Variants in MFAP2 observed in about 807,000 individuals in gnomAD.
MFAP2 encodes the protein microfibril associated protein 2, also known as microfibrillar-associated protein 2.
MFAP2 carries 23 observed loss-of-function variants against 30.6 expected under a neutral mutation model. The observed-to-expected ratio is 0.75, with a 90% CI of 0.54 to 1.07. MFAP2 has a LOEUF of 1.07. Ranked by LOEUF, MFAP2 falls within the 50% of genes least tolerant of loss-of-function variation. The probability of loss-of-function intolerance (pLI) is 0.00; values close to 1 mark genes in which losing one functional copy is unlikely to be tolerated. For synonymous variants in MFAP2, 73 were observed against 85.7 expected (o/e 0.85, Z 0.82); for missense variants, 198 against 223.8 (o/e 0.88, Z 0.74).
In MFAP2 at chr1:16,976,632, C is replaced by T; in HGVS notation, c.241+76G>A. 6.2e-7 allele frequency: 1 copy of T among 1,610,612 alleles called. No individual in the cohort carries two copies. Among genetic ancestry groups the T allele is most frequent in the Non-Finnish European group, 8.5e-7 (1 of 1,177,060 alleles). ...TCACCTCTCCCAGCCCTGGCAGACC[C>T]CCACTCCCAGGGTTGACAGGGTGGG... On this transcript the variant is annotated intron_variant, in intron 5 of 8. Transcript: ENST00000375535. This position sits in a 1 kb window ranked among gnomAD's most constrained non-coding sequence, Gnocchi z 5.5.
upstream of MFAP2, chr1:16,980,798 C>A (rs1340254060): frequency 6.6e-6 from 1 of 152,266 alleles, no homozygotes; most frequent in Non-Finnish European, 1.5e-5. Context: ...GGGGTAGAGG[C>A]GCCCGGGGCC....
rs2076591054 is a variant in MFAP2, at chr1:16,976,325, C to T, written c.286+176G>A. 1 of 773,684 alleles carries T rather than the reference C, an allele frequency of 1.3e-6. No homozygotes were observed. The highest frequency in any genetic ancestry group is 2.2e-6 in the Non-Finnish European group (1 of 462,320). 47.9% of individuals were successfully genotyped at this position (773,684 alleles called of 1,614,324 possible). On this transcript the variant is annotated intron_variant, in intron 6 of 8. Transcript: ENST00000375535. This position sits in a 1 kb window ranked among gnomAD's most constrained non-coding sequence, Gnocchi z 5.5. ...CAGGCACACTGGGGACAGGTGGGAC[C>T]TCCTGGAGCTGCCTGGGGGGCCTGG...
chr1:16,974,783 G>A lies in MFAP2; in HGVS notation c.*137C>T. The stretch of plus-strand genomic sequence containing the variant: ...GGAGGGGCCTGAGGCACCGCAGCCT[G>A]CAACCCCCAGGGCTGCAGTCCACTA... On this transcript the variant is annotated 3_prime_UTR_variant, in exon 9 of 9. Coordinates refer to ENST00000375535, the MANE Select transcript of MFAP2 (RefSeq NM_002403.4). The A allele has an allele frequency of 2.3e-6, 1 of 432,580 alleles. No homozygotes were observed. Among genetic ancestry groups the A allele is most frequent in the Non-Finnish European group, 3.9e-6 (1 of 255,784 alleles). The allele number at this position is 432,580 out of a possible 1,614,324, so 26.8% of individuals were successfully genotyped here.
Position 16,976,540 on chromosome 1 carries a change from C to T in MFAP2, c.247G>A (p.Gly83Arg), listed in dbSNP as rs771008197. 2 of 1,614,218 alleles carry T rather than the reference C, an allele frequency of 1.2e-6. No homozygotes were observed. Among genetic ancestry groups the T allele is most frequent in the Non-Finnish European group, 8.5e-7 (1 of 1,180,026 alleles). Residue 83 changes from glycine to arginine, a missense_variant, in exon 6 of 9, where the codon GGA becomes AGA. Physicochemically the swap from Gly to Arg is moderately radical, Grantham distance 125 (BLOSUM62 -2). Transcript: ENST00000375535. This position sits in a 1 kb window ranked among gnomAD's most constrained non-coding sequence, Gnocchi z 5.5. ...EVIPAPTPEP[G>R]NAELEPTEPG... is the part of the protein sequence containing the mutation. ...TCTGTGGGCTCCAGCTCTGCATTTC[C>T]TGGTTCTGGTGTGGAGACAGAGGTA... is the stretch of plus-strand genomic sequence containing the variant.
chr1:16,980,769 T>TA (rs1557657022), upstream of MFAP2: 2 of 148,624 alleles, frequency 1.3e-5, no homozygotes, highest in African/African-American at 5.0e-5. Context: ...TTCCATCTCC[T>TA]GGGGGGGGGG....
At chr1:16,981,437 C>A (rs944115197), upstream of MFAP2, among the ~76,000 whole-genome samples, 1 of 152,214 alleles carries the variant, frequency 6.6e-6, no homozygotes, top group Non-Finnish European at 1.5e-5. Context: ...CCCTTGGCCC[C>A]GCAGCCTTCC....
intron 1 of MFAP2, among the ~76,000 whole-genome samples, chr1:16,980,266 G>GGCCCCCCCCCCCCCC (rs1557656617): frequency 1.5e-5 from 1 of 66,636 alleles, no homozygotes; most frequent in Non-Finnish European, 3.2e-5. Context: ...ATTCCCACCG[G>GGCCCCCCCCCCCCCC]ACCCCCCCCC....
At chr1:16,980,065 G>T (rs1412106409) in intron 1 of MFAP2, among the ~76,000 whole-genome samples, 1 of 151,664 alleles carries the variant, frequency 6.6e-6, no homozygotes, top group Non-Finnish European at 1.5e-5. Flanking sequence ...CCCGACGCTC[G>T]CTCAGACATC....
At position 16,975,663 on chromosome 1, in the gene MFAP2, G is replaced by T; in HGVS notation, c.354C>A (p.Leu118=). 6.2e-7 allele frequency: 1 copy of T among 1,614,060 alleles called. No individual in the cohort carries two copies. The highest frequency in any genetic ancestry group is 8.5e-7 in the Non-Finnish European group (1 of 1,179,962). The change falls in exon 7 of 9, where the codon CTC becomes CTA. Residue 118 remains leucine (L), a synonymous_variant. Coordinates refer to ENST00000375535, the MANE Select transcript of MFAP2 (RefSeq NM_002403.4). This position sits in a 1 kb window ranked among gnomAD's most constrained non-coding sequence, Gnocchi z 5.0. The part of the protein sequence containing the change: ...YSIHRPCKQC[L]NEVCFYSLRR... Reference sequence around the variant, plus strand: ...CTCACCTGTAGAAGCAGACCTCGTTGAGACACTGTTTGCAAGGCCTGTGTA... The same window carrying T: ...CTCACCTGTAGAAGCAGACCTCGTTTAGACACTGTTTGCAAGGCCTGTGTA...
intron 1 of MFAP2, 96 bp from the exon 2 acceptor site, chr1:16,978,410 AC>A: frequency 9.6e-7 from 1 of 1,043,708 alleles, no homozygotes; most frequent in Non-Finnish European, 1.4e-6. Context: ...AGAAGGTGGC[AC>A]CCAGAATAGA....
rs1438607805 is a variant in MFAP2 at position 16,974,828 on chromosome 1, G to C, written c.*92C>G. The C allele has an allele frequency of 1.8e-6, 1 of 546,904 alleles. No homozygotes were observed. The highest frequency in any genetic ancestry group is 3.2e-6 in the Non-Finnish European group (1 of 315,790). 33.9% of individuals were successfully genotyped at this position (546,904 alleles called of 1,614,324 possible). The stretch of plus-strand genomic sequence containing the variant: ...CCACTAACTTTTTACAGAATAAAAG[G>C]AACATGGGGATGGGGAAAAAAGCAC... On this transcript the variant is annotated 3_prime_UTR_variant, in exon 9 of 9. Coordinates refer to ENST00000375535, the MANE Select transcript of MFAP2 (RefSeq NM_002403.4).
In MFAP2 at chr1:16,976,432, C is replaced by T; in HGVS notation, c.286+69G>A. 6.3e-7 allele frequency: 1 copy of T among 1,598,768 alleles called. No individual in the cohort carries two copies. Among genetic ancestry groups the T allele is most frequent in the South Asian group, 1.1e-5 (1 of 90,762 alleles). ...GGGCCAAAGACCTCCAGCCCACCAG[C>T]ACCACCCCCTACTCCACCCCAACTT... On this transcript the variant is annotated intron_variant, in intron 6 of 8. Transcript: ENST00000375535. The surrounding 1 kb of genome is among the most constrained non-coding windows in gnomAD (Gnocchi z 5.5).
chr1:16,980,858 C>T (rs548705577), upstream of MFAP2: 616 of 153,504 alleles, frequency 4.0e-3, 1 homozygote, highest in Non-Finnish European at 6.8e-3. Flanking sequence ...GCTCCTCACT[C>T]GACGTCGACG....
Position 16,975,556 on chromosome 1 carries a change from C to A in MFAP2, c.374+87G>T, listed in dbSNP as rs1161583114. Reference sequence around the variant, plus strand: ...AGGACTCACTATCTTTCCTCCAACTCCCACCTTGGCGGGCCAGAGCTGTCC... The same window carrying A: ...AGGACTCACTATCTTTCCTCCAACTACCACCTTGGCGGGCCAGAGCTGTCC... On this transcript the variant is annotated intron_variant, in intron 7 of 8. Transcript: ENST00000375535. The surrounding 1 kb of genome is among the most constrained non-coding windows in gnomAD (Gnocchi z 5.0). The A allele has an allele frequency of 4.9e-6, 7 of 1,421,512 alleles. No homozygotes were observed. The highest frequency in any genetic ancestry group is 1.7e-4 in the Middle Eastern group (1 of 5,716). The allele number at this position is 1,421,512 out of a possible 1,614,324, so 88.1% of individuals were successfully genotyped here.
rs959446954 is a variant in MFAP2 at position 16,976,228 on chromosome 1, C to T, written c.286+273G>A. On this transcript the variant is annotated intron_variant, in intron 6 of 8. Transcript: ENST00000375535. This position sits in a 1 kb window ranked among gnomAD's most constrained non-coding sequence, Gnocchi z 5.5. ...GTCTCTCTGGCTGGCAGGAAGCCCCCAGCACACTCCCTGCCCCTCCCAGTA... is the reference window on the plus strand; with the variant it reads ...GTCTCTCTGGCTGGCAGGAAGCCCCTAGCACACTCCCTGCCCCTCCCAGTA... The T allele has an allele frequency of 8.6e-6, 5 of 584,654 alleles. No individual in the cohort carries two copies. Among genetic ancestry groups the T allele is most frequent in the African/African-American group, 1.9e-5 (1 of 53,510 alleles). 36.2% of individuals were successfully genotyped at this position (584,654 alleles called of 1,614,324 possible). A position where few individuals can be genotyped will look rare whatever the true frequency, so the allele number is the denominator to read the frequency against.
intron 1 of MFAP2, among the ~76,000 whole-genome samples, chr1:16,980,146 A>T (rs747916802): frequency 1.8e-4 from 27 of 152,028 alleles, no homozygotes; most frequent in Admixed American, 6.5e-4. Flanking sequence ...AGAAACCCAG[A>T]TGTTGCAGCG....
chr1:16,978,359 G>C lies in MFAP2; in HGVS notation c.-41-45C>G, dbSNP rs2076610573. The C allele has an allele frequency of 2.1e-6, 3 of 1,458,944 alleles. No individual in the cohort carries two copies. The African/African-American group carries it at 4.2e-5, about 20-fold the overall frequency. 90.4% of individuals were successfully genotyped at this position (1,458,944 alleles called of 1,614,324 possible). A position where few individuals can be genotyped will look rare whatever the true frequency, so the allele number is the denominator to read the frequency against. On this transcript the variant is annotated intron_variant, in intron 1 of 8. Transcript: ENST00000375535. ...AGAGCTCTACCCAGGGCCACACCCAGGACAGCAGAGCTCACCTTTGATCCC... is the reference window on the plus strand; with the variant it reads ...AGAGCTCTACCCAGGGCCACACCCACGACAGCAGAGCTCACCTTTGATCCC...
In MFAP2 at chr1:16,976,986, A is replaced by C; in HGVS notation, c.128-63T>G. ...GGCTAATCCCCCAGCCCCTGGGGCA[A>C]ACAAGTTCCCTCCTGAGCCAGGGAC... On this transcript the variant is annotated intron_variant, in intron 3 of 8. Transcript: ENST00000375535. The surrounding 1 kb of genome is among the most constrained non-coding windows in gnomAD (Gnocchi z 5.5). The C allele has an allele frequency of 6.2e-7, 1 of 1,613,542 alleles. No individual in the cohort carries two copies. Among genetic ancestry groups the C allele is most frequent in the Non-Finnish European group, 8.5e-7 (1 of 1,179,594 alleles).
At chr1:16,978,000 C>G in intron 2 of MFAP2, 1 of 495,734 alleles carries the variant, frequency 2.0e-6, no homozygotes, top group Non-Finnish European at 3.7e-6. Flanking sequence ...GACGTGCCCT[C>G]CAGAACCCTG....
Sources: allele counts gnomAD v4.1 joint callset (sites outside exome capture counted in the v4.1 genomes callset), GRCh38; gene constraint gnomAD v4.1.1; non-coding constraint Gnocchi (gnomAD v3.1); transcripts MANE v1.5; gene names NCBI Gene and HGNC (gene_info 2026-07-23, HGNC 2026-07-21).